MBD5: variants seen among roughly 807,000 people sequenced by gnomAD.
MBD5 encodes methyl-CpG binding domain protein 5.
In MBD5, 13 loss-of-function variants were observed where a neutral mutation model predicts 117.3. The ratio of observed to expected loss-of-function variants is 0.11; its 90% CI spans 0.07 to 0.18. The LOEUF is 0.18. MBD5 is among the 10% of genes least tolerant of loss of function. MBD5 has a pLI of 1.00. For missense variants in MBD5, 1,879 were observed against 2,093.8 expected, an observed-to-expected ratio of 0.90 and a Z score of 2.00; for synonymous variants, 727 against 766.4, an observed-to-expected ratio of 0.95 and a Z score of 0.85.
intron 3 of MBD5, among the ~76,000 whole-genome samples, chr2:148,305,545 C>T (rs774638753): frequency 6.6e-6 from 1 of 152,186 alleles, no homozygotes; most frequent in Non-Finnish European, 1.5e-5. Context: ...AGAGAAGCAA[C>T]CCCACACATT....
At chr2:148,506,194 G>T (rs527238038) in intron 12 of MBD5, among the ~76,000 whole-genome samples, 1 of 152,208 alleles carries the variant, frequency 6.6e-6, no homozygotes, top group Non-Finnish European at 1.5e-5. Flanking sequence ...TTATATCCTA[G>T]TAGTAACATA....
At chr2:148,411,962 C>T (rs1705266319) in intron 4 of MBD5, among the ~76,000 whole-genome samples, 1 of 152,004 alleles carries the variant, frequency 6.6e-6, no homozygotes, top group African/African-American at 2.4e-5. Flanking sequence ...TATTGGTTAT[C>T]TTCCAGGGTT....
intron 3 of MBD5, among the ~76,000 whole-genome samples, chr2:148,257,095 A>C (rs1304888230): frequency 6.6e-6 from 1 of 152,242 alleles, no homozygotes; most frequent in Non-Finnish European, 1.5e-5. Context: ...AAGGAATAAC[A>C]GAACTCAGCT....
intron 3 of MBD5, among the ~76,000 whole-genome samples, chr2:148,250,888 G>T (rs866539675): frequency 8.5e-5 from 13 of 152,256 alleles, no homozygotes; most frequent in South Asian, 8.3e-4. Context: ...TCTTTCTGCT[G>T]CCCTATTTTG....
At chr2:148,133,233 A>G (rs1225561484) in intron 1 of MBD5, among the ~76,000 whole-genome samples, 1 of 152,208 alleles carries the variant, frequency 6.6e-6, no homozygotes, top group Non-Finnish European at 1.5e-5. Flanking sequence ...AAGACAATAC[A>G]TATATTTTTA....
intron 4 of MBD5, among the ~76,000 whole-genome samples, chr2:148,366,393 A>G (rs1367090488): frequency 1.3e-5 from 2 of 152,202 alleles, no homozygotes; most frequent in Non-Finnish European, 2.9e-5. Context: ...AAAAGCCGGA[A>G]GCATTCCCTC....
At chr2:148,299,286 C>T (rs553741001) in intron 3 of MBD5, among the ~76,000 whole-genome samples, 2 of 152,198 alleles carry the variant, frequency 1.3e-5, no homozygotes, top group South Asian at 4.1e-4. Flanking sequence ...CACCACCACA[C>T]CCGGCTAATT....
At chr2:148,163,079 A>C (rs923849151) in intron 1 of MBD5, among the ~76,000 whole-genome samples, 1 of 152,244 alleles carries the variant, frequency 6.6e-6, no homozygotes, top group African/African-American at 2.4e-5. Context: ...CCAGCATGTT[A>C]AGATAATTCA....
chr2:148,269,763 A>G lies in MBD5; in HGVS notation c.-680+36368A>G, dbSNP rs1700940786. 2.1e-5 allele frequency among the ~76,000 whole-genome samples: 3 copies of G among 144,070 alleles called. No homozygotes were observed. The South Asian group carries it at 6.5e-4, about 31-fold the overall frequency. The allele number at this position is 144,070 out of a possible 152,430, so 94.5% of individuals were successfully genotyped here. On this transcript the variant is annotated intron_variant, in intron 3 of 13. Coordinates refer to ENST00000642680, the MANE Select transcript of MBD5 (RefSeq NM_001378120.1). ...TTTTTATCTTTAAAAATTATCTTCT[A>G]TTATATCTACTGTTATTTTTTCCTC...
intron 2 of MBD5, among the ~76,000 whole-genome samples, chr2:148,186,619 A>G (rs1437257519): frequency 6.6e-6 from 1 of 152,240 alleles, no homozygotes; most frequent in Non-Finnish European, 1.5e-5. Context: ...AGATTTTTTA[A>G]TAACAGGACA....
chr2:148,257,853 G>A (rs540960471), intron 3 of MBD5, among the ~76,000 whole-genome samples: 9 of 152,282 alleles, frequency 5.9e-5, no homozygotes, highest in Admixed American at 3.9e-4. Context: ...AGTCCACTAC[G>A]TAGTGGTACT....
intron 3 of MBD5, among the ~76,000 whole-genome samples, chr2:148,274,385 C>G (rs116200381): frequency 0.01 from 1,526 of 152,040 alleles, 13 homozygotes; most frequent in African/African-American, 0.034. Flanking sequence ...CCCAGCCCCC[C>G]ACCCCATGAC....
rs70992196 is a variant in MBD5 at position 148,180,343 on chromosome 2, CATATAT to C, written c.-831+1563_-831+1568del. Among the ~76,000 whole-genome samples, 141 of 105,546 alleles carry C rather than the reference CATATAT, an allele frequency of 1.3e-3. 1 individual carries two copies. Among genetic ancestry groups the C allele is most frequent in the African/African-American group, 4.2e-3 (117 of 27,972 alleles). The allele number at this position is 105,546 out of a possible 152,430, so 69.2% of individuals were successfully genotyped here. On this transcript the variant is annotated intron_variant, in intron 2 of 13. Coordinates refer to ENST00000642680, the MANE Select transcript of MBD5 (RefSeq NM_001378120.1). ...ATCCTTCTAGTAAAAAAAAATTATA[CATATAT>C]ATATATATATATGTATATATGTATC...
chr2:148,403,806 T>C (rs1321795424), intron 4 of MBD5, among the ~76,000 whole-genome samples: 1 of 152,180 alleles, frequency 6.6e-6, no homozygotes, highest in East Asian at 1.9e-4. Context: ...GATTCATGTG[T>C]CTACCTTCAC....
intron 1 of MBD5, among the ~76,000 whole-genome samples, chr2:148,103,058 T>C (rs990487803): frequency 6.6e-6 from 1 of 152,158 alleles, no homozygotes; most frequent in Non-Finnish European, 1.5e-5. Flanking sequence ...TGTAAAAATA[T>C]ATATAACTTA....
At chr2:148,282,914 A>G (rs1239018742) in intron 3 of MBD5, among the ~76,000 whole-genome samples, 2 of 124,796 alleles carry the variant, frequency 1.6e-5, no homozygotes, top group African/African-American at 2.9e-5. Flanking sequence ...CCCCCATCAG[A>G]TGCAATTATT....
intron 1 of MBD5, among the ~76,000 whole-genome samples, chr2:148,160,472 T>C (rs977772172): frequency 2.2e-4 from 34 of 152,190 alleles, no homozygotes; most frequent in African/African-American, 8.2e-4. Context: ...TGTACCTGGA[T>C]ATTACAATAA....
chr2:148,481,305 C>T (rs1254689762), intron 8 of MBD5, among the ~76,000 whole-genome samples: 1 of 151,896 alleles, frequency 6.6e-6, no homozygotes, highest in East Asian at 1.9e-4. Flanking sequence ...AGGAAAAATC[C>T]TTGTGTTATT....
At chr2:148,151,914 G>A (rs1251561617) in intron 1 of MBD5, among the ~76,000 whole-genome samples, 1 of 151,964 alleles carries the variant, frequency 6.6e-6, no homozygotes, top group Non-Finnish European at 1.5e-5. Flanking sequence ...ATTAATTTTT[G>A]AAGGGTTTTT....
Sources: gnomAD v4.1 joint callset for allele counts (sites outside exome capture counted in the v4.1 genomes callset) on GRCh38, gnomAD v4.1.1 for gene constraint, MANE v1.5 for transcripts, NCBI Gene and HGNC (gene_info 2026-07-23, HGNC 2026-07-21) for gene names.